Variants in PHF14 observed in about 807,000 individuals in gnomAD.
The protein encoded by PHF14 is PHD finger protein 14.
A neutral mutation model predicts 117.9 loss-of-function variants in PHF14; 55 were observed. That is an observed-to-expected ratio of 0.47 (90% confidence interval 0.38 to 0.58). The LOEUF is 0.58. Among genes scored for constraint, PHF14 ranks in the 20% least tolerant of loss-of-function variants. The pLI, the probability that PHF14 is intolerant of heterozygous loss-of-function variation, is 0.00. For synonymous variants in PHF14, 409 were observed against 368.6 expected (o/e 1.11, Z -1.26); for missense variants, 978 against 1,122.2 (o/e 0.87, Z 1.84).
intron 11 of PHF14, among the ~76,000 whole-genome samples, chr7:11,039,787 T>C (rs1350863243): frequency 6.6e-6 from 1 of 152,174 alleles, no homozygotes; most frequent in Non-Finnish European, 1.5e-5. Context: ...TCCTAAAGAA[T>C]GTTTTAAAAG....
chr7:11,004,010 G>A (rs1298179392), intron 4 of PHF14, among the ~76,000 whole-genome samples: 2 of 152,290 alleles, frequency 1.3e-5, no homozygotes, highest in East Asian at 3.9e-4. Flanking sequence ...CACTCTGGGA[G>A]GTTGAGGTGG....
intron 17 of PHF14, among the ~76,000 whole-genome samples, chr7:11,161,407 T>C (rs1333544421): frequency 6.6e-6 from 1 of 152,208 alleles, no homozygotes; most frequent in East Asian, 1.9e-4. Flanking sequence ...TTGCTTATAT[T>C]AATGAATAAG....
intron 6 of PHF14, among the ~76,000 whole-genome samples, chr7:11,026,759 A>C (rs1783927224): frequency 6.6e-6 from 1 of 150,972 alleles, no homozygotes; most frequent in Non-Finnish European, 1.5e-5. Context: ...TATTACAAGG[A>C]ATTTTTCTAA....
At chr7:11,040,641 C>T in intron 11 of PHF14, 31 bp from the exon 12 acceptor site, 1 of 1,179,984 alleles carries the variant, frequency 8.5e-7, no homozygotes, top group Non-Finnish European at 1.2e-6. Context: ...TTTCTTAAAA[C>T]AATATATACT....
At position 10,982,979 on chromosome 7, in the gene PHF14, A is replaced by T. The variant is rs955893480; in HGVS notation, c.720A>T (p.Glu240Asp). 6.3e-6 allele frequency: 10 copies of T among 1,586,884 alleles called. No individual in the cohort carries two copies. The highest frequency in any genetic ancestry group is 8.6e-6 in the Non-Finnish European group (10 of 1,166,702). ...EGSDGDNEDD[E>D]DEGSGSDEDE... ...GTGATGGAGACAATGAGGATGATGA[A>T]GATGAGGGAAGCGGGAGTGATGAAG... Residue 240 changes from glutamate to aspartate, a missense_variant, in exon 3 of 18, where the codon GAA becomes GAT. Physicochemically the swap from Glu to Asp is conservative, Grantham distance 45. Coordinates refer to ENST00000634607, the MANE Select transcript of PHF14 (RefSeq NM_001007157.2).
intron 4 of PHF14, 109 bp from the exon 5 acceptor site, chr7:11,013,638 G>T: frequency 1.8e-6 from 1 of 561,020 alleles, no homozygotes. Flanking sequence ...TAAACCATTG[G>T]TGTTTCATAT....
intron 7 of PHF14, among the ~76,000 whole-genome samples, chr7:11,031,722 C>T (rs972910711): frequency 6.6e-6 from 1 of 152,054 alleles, no homozygotes; most frequent in Non-Finnish European, 1.5e-5. Context: ...CCACTGCACT[C>T]AGCCTGGAGA....
intron 16 of PHF14, chr7:11,102,553 A>C: frequency 6.2e-7 from 1 of 1,609,954 alleles, no homozygotes; most frequent in Admixed American, 1.7e-5. Context: ...CCTCTTTTAT[A>C]AGTGTGATTT....
intron 17 of PHF14, among the ~76,000 whole-genome samples, chr7:11,112,316 A>G (rs1787472640): frequency 6.6e-6 from 1 of 152,296 alleles, no homozygotes; most frequent in East Asian, 1.9e-4. Context: ...GAGTGAATTA[A>G]AATTGATCAT....
In PHF14 at chr7:11,103,089, CAT is replaced by C. The variant is rs1314095928; in HGVS notation, c.2655-8258_2655-8257del. ...CTGCATTGTAAAACAACTATAGACTCATATTAAATGTTATTTCTATTTATAAT... is the reference window on the plus strand; with the variant it reads ...CTGCATTGTAAAACAACTATAGACTCATTAAATGTTATTTCTATTTATAAT... On this transcript the variant is annotated intron_variant, in intron 16 of 17. Transcript: ENST00000634607. 3 of 968,982 alleles carry C rather than the reference CAT, an allele frequency of 3.1e-6. No individual in the cohort carries two copies. In the African/African-American group the frequency reaches 5.3e-5, roughly 17 times the overall value. The allele number at this position is 968,982 out of a possible 1,614,324, so 60.0% of individuals were successfully genotyped here.
At chr7:10,995,796 G>A (rs1467861988) in intron 4 of PHF14, among the ~76,000 whole-genome samples, 1 of 152,170 alleles carries the variant, frequency 6.6e-6, no homozygotes, top group Non-Finnish European at 1.5e-5. Flanking sequence ...TGGCCCAGGT[G>A]CTAAGCCCCT....
chr7:11,102,729 C>T, intron 16 of PHF14: 1 of 1,377,612 alleles, frequency 7.3e-7, no homozygotes, highest in Admixed American at 3.0e-5. Context: ...AGTAGATTTG[C>T]CTGTGTGGAA....
intron 4 of PHF14, among the ~76,000 whole-genome samples, chr7:11,011,085 A>G (rs886911817): frequency 3.9e-5 from 6 of 152,202 alleles, no homozygotes; most frequent in African/African-American, 1.4e-4. Context: ...TTTGCTTACT[A>G]TTAGGCTATT....
At chr7:11,167,501 A>G (rs1322436269) in intron 17 of PHF14, among the ~76,000 whole-genome samples, 1 of 152,178 alleles carries the variant, frequency 6.6e-6, no homozygotes, top group Non-Finnish European at 1.5e-5. Context: ...TAGTTCAGAA[A>G]ATATTGATTG....
intron 15 of PHF14, 36 bp downstream of exon 15, chr7:11,061,877 C>T (rs1562446007): frequency 4.6e-6 from 7 of 1,520,310 alleles, no homozygotes; most frequent in Non-Finnish European, 6.2e-6. Flanking sequence ...ACAGTCTTAA[C>T]TTTGAGAAAT....
intron 16 of PHF14, among the ~76,000 whole-genome samples, chr7:11,087,773 T>A (rs2128337951): frequency 6.6e-6 from 1 of 152,290 alleles, no homozygotes; most frequent in East Asian, 1.9e-4. Flanking sequence ...TGGACACATG[T>A]ATGAGACTCT....
chr7:11,103,539 T>C (rs1787161245), intron 16 of PHF14: 1 of 985,054 alleles, frequency 1.0e-6, no homozygotes, highest in African/African-American at 1.7e-5. Flanking sequence ...ATTTCATCAC[T>C]CAATCTTGAA....
At chr7:11,051,831 T>TTG in intron 14 of PHF14, 51 bp downstream of exon 14, 1 of 1,472,140 alleles carries the variant, frequency 6.8e-7, no homozygotes, top group Non-Finnish European at 9.4e-7. Context: ...GAGGCCAAAA[T>TTG]TTAAGAGAGT....
chr7:11,115,758 G>C (rs1451303629), intron 17 of PHF14, among the ~76,000 whole-genome samples: 2 of 151,982 alleles, frequency 1.3e-5, no homozygotes, highest in East Asian at 3.9e-4. Context: ...TATTTCTTTT[G>C]TCTTGAATCT....
Sources: gnomAD v4.1 joint callset for allele counts (sites outside exome capture counted in the v4.1 genomes callset) on GRCh38, gnomAD v4.1.1 for gene constraint, MANE v1.5 for transcripts, NCBI Gene and HGNC (gene_info 2026-07-23, HGNC 2026-07-21) for gene names.